Variants in STARD8 observed in about 807,000 individuals in gnomAD.
The protein encoded by STARD8 is stAR-related lipid transfer protein 8.
STARD8 carries 25 observed loss-of-function variants against 69.4 expected under a neutral mutation model. The observed-to-expected ratio is 0.36, with a 90% CI of 0.26 to 0.50. The LOEUF (loss-of-function observed/expected upper bound fraction) is 0.50. Ranked by LOEUF, STARD8 falls within the 20% of genes least tolerant of loss-of-function variation. The probability of loss-of-function intolerance (pLI) is 0.96; values close to 1 mark genes in which losing one functional copy is unlikely to be tolerated. For synonymous variants in STARD8, 389 were observed against 374.6 expected (o/e 1.04, Z -0.45); for missense variants, 921 against 932.5 (o/e 0.99, Z 0.16).
intron 2 of STARD8, among the ~76,000 whole-genome samples, chrX:68,692,309 C>T (rs1240911152): frequency 8.9e-6 from 1 of 112,011 alleles, no homozygotes; most frequent in African/African-American, 3.3e-5. Context: ...ATACATGGGA[C>T]ACACAGTGGT....
intron 2 of STARD8, among the ~76,000 whole-genome samples, chrX:68,692,312 A>G (rs1569362110): frequency 1.8e-5 from 2 of 112,022 alleles, no homozygotes; most frequent in Non-Finnish European, 3.8e-5. Flanking sequence ...CATGGGACAC[A>G]CAGTGGTGGT....
At chrX:68,687,758 G>A (rs771302284) in intron 2 of STARD8, among the ~76,000 whole-genome samples, 4 of 112,045 alleles carry the variant, frequency 3.6e-5, no homozygotes, top group Non-Finnish European at 5.6e-5. Flanking sequence ...GGTGTTGGGG[G>A]CCAGGATCAT....
At chrX:68,669,516 C>T (rs1054659197) in intron 2 of STARD8, among the ~76,000 whole-genome samples, 9 of 112,336 alleles carry the variant, frequency 8.0e-5, no homozygotes, top group African/African-American at 1.3e-4. Flanking sequence ...TCCCTCCCAC[C>T]GCCTTTGCAC....
intron 1 of STARD8, chrX:68,656,491 C>T (rs988222904): frequency 1.8e-5 from 2 of 111,916 alleles, no homozygotes; most frequent in Non-Finnish European, 1.9e-5. Context: ...TTGACCCAGC[C>T]ATCCCATTAC....
intron 2 of STARD8, among the ~76,000 whole-genome samples, chrX:68,706,407 C>T (rs1294161099): frequency 9.0e-6 from 1 of 111,490 alleles, no homozygotes; most frequent in Non-Finnish European, 1.9e-5. Flanking sequence ...TGAACTGGAC[C>T]GCCCCATAGA....
chrX:68,652,287 C>G (rs2079553054), intron 1 of STARD8, among the ~76,000 whole-genome samples: 2 of 110,968 alleles, frequency 1.8e-5, no homozygotes, highest in South Asian at 7.6e-4. Context: ...TTTGAAAATT[C>G]CAGGGTTAGG....
chrX:68,722,660 C>A lies in STARD8; in HGVS notation c.2799+14C>A, dbSNP rs752501911. ...GCTTGCAGGAAGGTGAGTGCCACAC[C>A]ACGGGTGGCTGCTATGGGGCTGGGA... is the stretch of plus-strand genomic sequence containing the variant. On this transcript the variant is annotated intron_variant, in intron 12 of 14. Transcript: ENST00000374599. 8.3e-7 allele frequency: 1 copy of A among 1,199,797 alleles called. No individual in the cohort carries two copies. The highest frequency in any genetic ancestry group is 1.8e-5 in the South Asian group (1 of 56,252).
chrX:68,717,257 T>C lies in STARD8; in HGVS notation c.343T>C (p.Trp115Arg), dbSNP rs770236459. ...AGAGCAGTGTACCATCAGTAGCCAC[T>C]GGGCCTTCCAGCAGGAAAGTAAGTG... ...EEEQCTISSH[W>R]AFQQESKCWS... is the part of the protein sequence containing the mutation. The change falls in exon 6 of 15, where the codon TGG (tryptophan) becomes CGG (arginine). Residue 115 changes from tryptophan (W) to arginine (R), a missense_variant. By Grantham distance (101) the Trp-to-Arg change is moderately radical. Coordinates refer to ENST00000374599, the MANE Select transcript of STARD8 (RefSeq NM_001142503.3). 2 of 1,204,852 alleles carry C rather than the reference T, an allele frequency of 1.7e-6. No individual in the cohort carries two copies. Among genetic ancestry groups the C allele is most frequent in the African/African-American group, 3.5e-5 (2 of 57,735 alleles).
chrX:68,725,734 C>T lies in STARD8; in HGVS notation c.*1312C>T, dbSNP rs2080196447. On this transcript the variant is annotated 3_prime_UTR_variant, in exon 15 of 15. Coordinates refer to ENST00000374599, the MANE Select transcript of STARD8 (RefSeq NM_001142503.3). ...AGTGTATTATAATCTCTGGTGGGGG[C>T]AAGTGTCTGGAAGGCCTGAGGGGCA... The T allele has an allele frequency of 1.8e-5, 2 of 108,475 alleles. No homozygotes were observed. The highest frequency in any genetic ancestry group is 3.8e-5 in the Non-Finnish European group (2 of 52,415). The allele number at this position is 108,475 out of a possible 1,213,427, so 8.9% of individuals were successfully genotyped here.
At chrX:68,701,012 C>G (rs1277742619) in intron 2 of STARD8, among the ~76,000 whole-genome samples, 2 of 111,478 alleles carry the variant, frequency 1.8e-5, no homozygotes, top group African/African-American at 3.3e-5. Flanking sequence ...TTTCACTGAC[C>G]TGGGGGTGGG....
chrX:68,668,634 A>C (rs765711049), intron 2 of STARD8, among the ~76,000 whole-genome samples: 1 of 111,325 alleles, frequency 9.0e-6, no homozygotes, highest in East Asian at 2.8e-4. Context: ...AGCATTAGGA[A>C]TGTCCAACTG....
chrX:68,681,893 A>G (rs1192047196), intron 2 of STARD8, among the ~76,000 whole-genome samples: 1 of 111,687 alleles, frequency 9.0e-6, no homozygotes, highest in Non-Finnish European at 1.9e-5. Flanking sequence ...TCTTTTCCTC[A>G]GTAACATGGG....
intron 2 of STARD8, among the ~76,000 whole-genome samples, chrX:68,697,311 C>T (rs947072068): frequency 3.6e-5 from 4 of 111,859 alleles, no homozygotes; most frequent in Non-Finnish European, 5.6e-5. Flanking sequence ...GGGAAGGTGA[C>T]GGACAGAGGC....
chrX:68,699,199 GCCTAGCCAGCT>G (rs955590999), intron 2 of STARD8, among the ~76,000 whole-genome samples: 3 of 111,475 alleles, frequency 2.7e-5, no homozygotes, highest in Non-Finnish European at 5.7e-5. Flanking sequence ...GCAGCCAAGG[GCCTAGCCAGCT>G]CCAGTCACCT....
At chrX:68,657,582 TTAGTTAATC>T (rs1487843996) in intron 1 of STARD8, among the ~76,000 whole-genome samples, 1 of 112,095 alleles carries the variant, frequency 8.9e-6, no homozygotes, top group Non-Finnish European at 1.9e-5. Flanking sequence ...GTTAACAGTT[TTAGTTAATC>T]TAGAACCTGT....
intron 7 of STARD8, 73 bp from the exon 8 acceptor site, chrX:68,720,191 A>T: frequency 9.2e-7 from 1 of 1,085,237 alleles, no homozygotes; most frequent in Non-Finnish European, 1.2e-6. Flanking sequence ...ACCCCACCTG[A>T]TCCTCTGAGA....
chrX:68,710,891 TG>T (rs1569368392), intron 2 of STARD8, among the ~76,000 whole-genome samples: 1 of 111,959 alleles, frequency 8.9e-6, no homozygotes, highest in East Asian at 2.8e-4. Context: ...CGTGCTAAGA[TG>T]GGGAAAGGGT....
rs143103482 is a variant in STARD8, at chrX:68,718,096, C to T, written c.1182C>T (p.His394=). The T allele has an allele frequency of 9.2e-5, 111 of 1,209,757 alleles. No individual in the cohort carries two copies. Among genetic ancestry groups the T allele is most frequent in the African/African-American group, 1.6e-4 (9 of 57,239 alleles). The change falls in exon 6 of 15, where the codon CAC becomes CAT. Residue 394 remains histidine (H), a synonymous_variant. Transcript: ENST00000374599. The part of the protein sequence containing the change: ...SYAHLDDILQ[H]VWGLQQRVEL... The stretch of plus-strand genomic sequence containing the variant: ...CTCACCTAGACGACATCCTCCAGCA[C>T]GTGTGGGGGCTACAGCAACGAGTAG...
intron 7 of STARD8, 88 bp from the exon 8 acceptor site, chrX:68,720,176 C>G (rs879170627): frequency 2.9e-6 from 3 of 1,041,428 alleles, no homozygotes; most frequent in East Asian, 7.1e-5. Context: ...TGCCTTACCC[C>G]CCTCACCCCA....
Sources: gnomAD v4.1 joint callset for allele counts (sites outside exome capture counted in the v4.1 genomes callset) on GRCh38, gnomAD v4.1.1 for gene constraint, MANE v1.5 for transcripts, NCBI Gene and HGNC (gene_info 2026-07-23, HGNC 2026-07-21) for gene names.